The following GPR143 variants were observed in gnomAD, a reference collection of about 807,000 sequenced individuals.
GPR143 encodes G protein-coupled receptor 143, also known as G-protein coupled receptor 143.
GPR143 carries 8 observed loss-of-function variants against 27.6 expected under a neutral mutation model. The observed-to-expected ratio is 0.29, with a 90% CI of 0.17 to 0.52. The LOEUF (loss-of-function observed/expected upper bound fraction) is 0.52, where lower values mean the gene tolerates loss of function less well. GPR143 is among the 20% of genes least tolerant of loss of function. The probability of loss-of-function intolerance (pLI) is 0.96; values close to 1 mark genes in which losing one functional copy is unlikely to be tolerated. For missense variants in GPR143, 303 were observed against 343.1 expected, an observed-to-expected ratio of 0.88 and a Z score of 0.92; for synonymous variants, 156 against 153.2, an observed-to-expected ratio of 1.02 and a Z score of -0.13.
intron 8 of GPR143, among the ~76,000 whole-genome samples, chrX:9,735,029 CAG>C (rs1056353591): frequency 1.8e-5 from 2 of 112,434 alleles, no homozygotes. Flanking sequence ...ACTTGATGAG[CAG>C]AGAGTGTTCA....
chrX:9,727,545 T>C (rs2083333603), intron 8 of GPR143, among the ~76,000 whole-genome samples: 1 of 113,322 alleles, frequency 8.8e-6, no homozygotes, highest in African/African-American at 3.2e-5. Context: ...GGTCCCCAGC[T>C]TGCAAAGTGA....
chrX:9,732,540 AT>A (rs926514677), intron 8 of GPR143, among the ~76,000 whole-genome samples: 1 of 111,584 alleles, frequency 9.0e-6, no homozygotes, highest in African/African-American at 3.3e-5. Flanking sequence ...AGAGAATACA[AT>A]TACAAAAGAA....
At chrX:9,749,055 T>C (rs2083440400) in intron 3 of GPR143, among the ~76,000 whole-genome samples, 1 of 112,107 alleles carries the variant, frequency 8.9e-6, no homozygotes, top group East Asian at 2.8e-4. Context: ...TCCCAAGGGA[T>C]AGAACAAGTT....
chrX:9,769,726 C>A (rs1450189446), upstream of GPR143, among the ~76,000 whole-genome samples: 6 of 110,188 alleles, frequency 5.4e-5, no homozygotes, highest in Non-Finnish European at 1.1e-4. Flanking sequence ...GGATTACAGG[C>A]GCCTGCCACC....
intron 8 of GPR143, among the ~76,000 whole-genome samples, chrX:9,732,574 G>A (rs1381860682): frequency 1.8e-5 from 2 of 111,515 alleles, no homozygotes; most frequent in African/African-American, 6.5e-5. Flanking sequence ...TAGAAAAATG[G>A]AGAATTGGCT....
At chrX:9,749,719 T>A (rs1031881991) in intron 3 of GPR143, among the ~76,000 whole-genome samples, 4 of 112,351 alleles carry the variant, frequency 3.6e-5, no homozygotes, top group Non-Finnish European at 7.5e-5. Context: ...CACCTTGGCC[T>A]CCCAAATTGC....
At chrX:9,764,586 G>A (rs137871560) in intron 1 of GPR143, among the ~76,000 whole-genome samples, 2,052 of 110,332 alleles carry the variant, frequency 0.019, 51 homozygotes, top group African/African-American at 0.064. Context: ...TCTCCCTGGT[G>A]CAGTTGGGCA....
chrX:9,770,997 A>G (rs1457543411), upstream of GPR143, among the ~76,000 whole-genome samples: 1 of 112,187 alleles, frequency 8.9e-6, no homozygotes, highest in African/African-American at 3.2e-5. Context: ...CCAGACCTTA[A>G]TGAAGAACAC....
chrX:9,751,694 GCTAA>G (rs1005334992), intron 3 of GPR143, among the ~76,000 whole-genome samples: 12 of 112,355 alleles, frequency 1.1e-4, no homozygotes, highest in Admixed American at 6.6e-4. Flanking sequence ...TAATAGTGAG[GCTAA>G]CTGATGTATA....
At chrX:9,742,597 C>G in intron 6 of GPR143, among the ~76,000 whole-genome samples, 1 of 112,294 alleles carries the variant, frequency 8.9e-6, no homozygotes, top group Non-Finnish European at 1.9e-5. Context: ...CACAGTGCAG[C>G]ATGTTCTGAT....
intron 1 of GPR143, among the ~76,000 whole-genome samples, chrX:9,761,747 G>A (rs768606648): frequency 8.9e-6 from 1 of 112,348 alleles, no homozygotes; most frequent in East Asian, 2.8e-4. Context: ...AAAACAGTAT[G>A]CACACTCATG....
At chrX:9,766,771 C>A (rs1298004710), upstream of GPR143, among the ~76,000 whole-genome samples, 1 of 109,720 alleles carries the variant, frequency 9.1e-6, no homozygotes, top group African/African-American at 3.3e-5. Context: ...GTGGGGCGTG[C>A]TTGTAGCCCT....
chrX:9,752,724 TAGCCCC>T (rs1444625882), intron 3 of GPR143, among the ~76,000 whole-genome samples: 1 of 111,859 alleles, frequency 8.9e-6, no homozygotes, highest in Admixed American at 9.5e-5. Context: ...TGCACACCTG[TAGCCCC>T]AGCTACTCAG....
rs1449609674 is a variant in GPR143 at position 9,725,718 on chromosome X, T to G, written c.*28A>C. On this transcript the variant is annotated 3_prime_UTR_variant, in exon 9 of 9. Transcript: ENST00000467482. The stretch of plus-strand genomic sequence containing the variant: ...CAAGAATTGTTGAGTCTGAGGAATA[T>G]GGGGTCTGGACCCCCAGCACATCCC... 9.5e-7 allele frequency: 1 copy of G among 1,052,734 alleles called. No homozygotes were observed. The highest frequency in any genetic ancestry group is 1.3e-6 in the Non-Finnish European group (1 of 753,129). 86.8% of individuals were successfully genotyped at this position (1,052,734 alleles called of 1,213,427 possible).
At chrX:9,767,334 C>CT (rs2083539144), upstream of GPR143, among the ~76,000 whole-genome samples, 1 of 109,149 alleles carries the variant, frequency 9.2e-6, no homozygotes, top group Admixed American at 9.9e-5. Context: ...GACACCCTTC[C>CT]TCCTCTCTCC....
Position 9,725,835 on chromosome X carries a change from C to T in GPR143, c.1126G>A (p.Asp376Asn). The change falls in exon 9 of 9, where the codon GAT becomes AAT. Residue 376 changes from aspartate to asparagine, a missense_variant. Transcript: ENST00000467482. ...GTGTGAATTTCAATTGTGCTGGCAT[C>T]AGAACCTGGAGAGGAAAAGACAAAA... Reference protein sequence around the residue: ...EALSMLSEGSDASTIEIHTAS... With the variant: ...EALSMLSEGSNASTIEIHTAS... 1.7e-6 allele frequency: 2 copies of T among 1,209,398 alleles called. No individual in the cohort carries two copies. The highest frequency in any genetic ancestry group is 2.2e-6 in the Non-Finnish European group (2 of 894,420).
At chrX:9,771,889 T>G (rs2083556263) in intron 1 of GPR143, among the ~76,000 whole-genome samples, 1 of 109,602 alleles carries the variant, frequency 9.1e-6, no homozygotes, top group African/African-American at 3.3e-5. Context: ...TTTGGTATTT[T>G]TAGTAGAGGT....
intron 1 of GPR143, among the ~76,000 whole-genome samples, chrX:9,776,809 C>T (rs970307346): frequency 5.4e-5 from 6 of 111,124 alleles, no homozygotes; most frequent in Admixed American, 9.6e-5. Context: ...CAGGCTCAAG[C>T]GATCCTCCCA....
At chrX:9,743,878 T>C (rs1484940743) in intron 5 of GPR143, among the ~76,000 whole-genome samples, 2 of 112,599 alleles carry the variant, frequency 1.8e-5, no homozygotes, top group Non-Finnish European at 3.8e-5. Context: ...ACTTCTGCTT[T>C]GAAATAATTT....
Sources: allele counts gnomAD v4.1 joint callset (sites outside exome capture counted in the v4.1 genomes callset), GRCh38; gene constraint gnomAD v4.1.1; transcripts MANE v1.5; gene names NCBI Gene and HGNC (gene_info 2026-07-23, HGNC 2026-07-21).